The following GMPR variants were observed in gnomAD, a reference collection of about 807,000 sequenced individuals.
GMPR encodes GMP reductase 1.
In GMPR, 31 loss-of-function variants were observed where a neutral mutation model predicts 38.4. The observed-to-expected ratio is 0.81, with a 90% CI of 0.61 to 1.09. The LOEUF (loss-of-function observed/expected upper bound fraction) is 1.09. Among genes scored for constraint, GMPR ranks in the 50% least tolerant of loss-of-function variants. GMPR has a pLI of 0.00. For missense variants in GMPR, 468 were observed against 453.7 expected, an observed-to-expected ratio of 1.03 and a Z score of -0.29; for synonymous variants, 162 against 173.3, an observed-to-expected ratio of 0.93 and a Z score of 0.51.
intron 4 of GMPR, among the ~76,000 whole-genome samples, chr6:16,260,241 C>A (rs2113679399): frequency 6.6e-6 from 1 of 151,922 alleles, no homozygotes; most frequent in East Asian, 1.9e-4. Context: ...AGACTGAGGA[C>A]CGTAAGGGAT....
chr6:16,286,812 G>A (rs1184046405), intron 7 of GMPR, among the ~76,000 whole-genome samples: 1 of 151,982 alleles, frequency 6.6e-6, no homozygotes, highest in Non-Finnish European at 1.5e-5. Flanking sequence ...AGGCCAAGGT[G>A]GGAGAATCGC....
Position 16,255,958 on chromosome 6 carries a change from GT to G in GMPR, c.465+1224del, listed in dbSNP as rs1561821968. Among the ~76,000 whole-genome samples, 11 of 152,308 alleles carry G rather than the reference GT, an allele frequency of 7.2e-5. No individual in the cohort carries two copies. In the South Asian group the frequency reaches 2.3e-3, roughly 32 times the overall value. On this transcript the variant is annotated intron_variant, in intron 4 of 8. Coordinates refer to ENST00000259727, the MANE Select transcript of GMPR (RefSeq NM_006877.4). ...CAGCTGGGCGCAGTGGCTCACGACT[GT>G]AATCCCAGCACTTTGGGAGGCCGAG...
chr6:16,253,246 AG>A (rs1204417513), intron 3 of GMPR, among the ~76,000 whole-genome samples: 1 of 152,262 alleles, frequency 6.6e-6, no homozygotes, highest in Non-Finnish European at 1.5e-5. Context: ...TCCCTTTAAT[AG>A]GAAAACAGAT....
chr6:16,250,055 T>G (rs1758837241), intron 2 of GMPR, among the ~76,000 whole-genome samples: 2 of 152,248 alleles, frequency 1.3e-5, no homozygotes, highest in South Asian at 4.1e-4. Context: ...GCCTCCCTAG[T>G]CCTGAATGCG....
At chr6:16,249,721 A>G (rs79683478) in intron 2 of GMPR, among the ~76,000 whole-genome samples, 11,492 of 152,352 alleles carry the variant, frequency 0.075, 452 homozygotes, top group Middle Eastern at 0.088. Flanking sequence ...AAAGCGGGTC[A>G]TAAATGCTGG....
intron 4 of GMPR, among the ~76,000 whole-genome samples, chr6:16,258,497 G>A (rs960447938): frequency 1.3e-5 from 2 of 152,224 alleles, no homozygotes; most frequent in Non-Finnish European, 2.9e-5. Context: ...GGAGTTTACT[G>A]GGAGGGAGGA....
chr6:16,284,256 G>A (rs1332103752), intron 6 of GMPR, among the ~76,000 whole-genome samples: 1 of 152,196 alleles, frequency 6.6e-6, no homozygotes, highest in Non-Finnish European at 1.5e-5. Context: ...TGGAGTTCTA[G>A]CTCCTGGAGT....
chr6:16,289,236 A>G (rs1581667659), intron 7 of GMPR, among the ~76,000 whole-genome samples: 1 of 152,184 alleles, frequency 6.6e-6, no homozygotes, highest in Admixed American at 6.5e-5. Context: ...GCGCCACCTT[A>G]TAGAGCTGTT....
intron 6 of GMPR, among the ~76,000 whole-genome samples, chr6:16,282,909 A>T (rs1273689099): frequency 6.6e-6 from 1 of 151,850 alleles, no homozygotes; most frequent in Non-Finnish European, 1.5e-5. Flanking sequence ...CCCAGGTTTA[A>T]GTGATAGTCC....
chr6:16,276,552 T>C (rs544896466), intron 5 of GMPR, among the ~76,000 whole-genome samples: 1 of 152,302 alleles, frequency 6.6e-6, no homozygotes, highest in East Asian at 1.9e-4. Context: ...TGCATTCTAT[T>C]TCCCCAGAAG....
chr6:16,257,124 AGG>A (rs1758996696), intron 4 of GMPR, among the ~76,000 whole-genome samples: 1 of 152,108 alleles, frequency 6.6e-6, no homozygotes, highest in African/African-American at 2.4e-5. Context: ...GAGAGGGGAG[AGG>A]GCTGGAAGTA....
At chr6:16,268,381 C>A (rs1759310921) in intron 4 of GMPR, among the ~76,000 whole-genome samples, 1 of 152,180 alleles carries the variant, frequency 6.6e-6, no homozygotes, top group Non-Finnish European at 1.5e-5. Flanking sequence ...GTGGCACGAT[C>A]TTGGCTAACT....
At chr6:16,249,344 G>T (rs1025347113) in intron 2 of GMPR, among the ~76,000 whole-genome samples, 1 of 151,692 alleles carries the variant, frequency 6.6e-6, no homozygotes, top group African/African-American at 2.4e-5. Flanking sequence ...CTAATTTTTT[G>T]TATTTAGTAG....
At position 16,294,986 on chromosome 6, in the gene GMPR, A is replaced by C; in HGVS notation, c.858-20A>C. The C allele has an allele frequency of 6.3e-7, 1 of 1,596,266 alleles. No individual in the cohort carries two copies. Among genetic ancestry groups the C allele is most frequent in the Non-Finnish European group, 8.6e-7 (1 of 1,169,536 alleles). ...TGGGGCGGGAAACTAGATAAAAAGA[A>C]AACTTCTATCGTCTTCCAGAGCCTC... On this transcript the variant is annotated intron_variant, in intron 8 of 8. Coordinates refer to ENST00000259727, the MANE Select transcript of GMPR (RefSeq NM_006877.4).
Position 16,249,462 on chromosome 6 carries a change from G to A in GMPR, c.208-822G>A, listed in dbSNP as rs529109183. Among the ~76,000 whole-genome samples the A allele has an allele frequency of 2.5e-3, 379 of 152,224 alleles. 4 individuals are homozygous for A. The highest frequency in any genetic ancestry group is 8.7e-3 in the African/African-American group (363 of 41,530). On this transcript the variant is annotated intron_variant, in intron 2 of 8. Transcript: ENST00000259727. ...TGGGATTACAGGAATGTGCCACCAC[G>A]CTTAGCAAATTTTAAAAGTTTGATT...
intron 3 of GMPR, among the ~76,000 whole-genome samples, chr6:16,254,047 C>T (rs1215564830): frequency 6.6e-6 from 1 of 152,192 alleles, no homozygotes; most frequent in Non-Finnish European, 1.5e-5. Context: ...TCTCCTGCCT[C>T]AGCCTCCCAA....
Position 16,295,251 on chromosome 6 carries a change from C to T in GMPR, c.*65C>T, listed in dbSNP as rs77813716. 3.3e-6 allele frequency: 4 copies of T among 1,230,556 alleles called. No homozygotes were observed. Among genetic ancestry groups the T allele is most frequent in the African/African-American group, 3.2e-5 (2 of 63,154 alleles). The allele number at this position is 1,230,556 out of a possible 1,614,324, so 76.2% of individuals were successfully genotyped here. A position where few individuals can be genotyped will look rare whatever the true frequency, so the allele number is the denominator to read the frequency against. ...CCAAACCTGCTTTTCCCATCTCCCC[C>T]CAAGTCTGTTCCGTCAGAGCTTCTG... On this transcript the variant is annotated 3_prime_UTR_variant, in exon 9 of 9. Coordinates refer to ENST00000259727, the MANE Select transcript of GMPR (RefSeq NM_006877.4).
intron 2 of GMPR, among the ~76,000 whole-genome samples, chr6:16,247,389 T>C (rs1267743609): frequency 1.3e-5 from 2 of 152,080 alleles, no homozygotes; most frequent in African/African-American, 4.8e-5. Context: ...TTTTTTTTTT[T>C]TTTAAGACAG....
intron 5 of GMPR, among the ~76,000 whole-genome samples, chr6:16,277,235 A>G (rs190833224): frequency 6.6e-6 from 1 of 152,336 alleles, no homozygotes; most frequent in East Asian, 1.9e-4. Flanking sequence ...TCTGCCCCAC[A>G]GCTGATGCAG....
Sources: allele counts gnomAD v4.1 joint callset (sites outside exome capture counted in the v4.1 genomes callset), GRCh38; gene constraint gnomAD v4.1.1; transcripts MANE v1.5; gene names NCBI Gene and HGNC (gene_info 2026-07-23, HGNC 2026-07-21).